STRIP1: variants seen among roughly 807,000 people sequenced by gnomAD.
STRIP1 encodes striatin interacting protein 1, also known as striatin-interacting protein 1.
Under a neutral mutation model 106.2 loss-of-function variants are expected in STRIP1, and 63 were observed. The observed-to-expected ratio is 0.59, with a 90% confidence interval of 0.48 to 0.73. The LOEUF (loss-of-function observed/expected upper bound fraction) is 0.73. Among genes scored for constraint, STRIP1 ranks in the 30% least tolerant of loss-of-function variants. The pLI is 0.00. For synonymous variants in STRIP1, 390 were observed against 413.0 expected, an observed-to-expected ratio of 0.94 and a Z score of 0.67; for missense variants, 857 against 1,074.8, an observed-to-expected ratio of 0.80 and a Z score of 2.83.
chr1:110,050,557 C>A, intron 18 of STRIP1, 148 bp downstream of exon 18: 1 of 743,680 alleles, frequency 1.3e-6, no homozygotes, highest in Non-Finnish European at 2.3e-6. Flanking sequence ...TGTAAGTGTA[C>A]AGAAGGGCCA....
intron 12 of STRIP1, among the ~76,000 whole-genome samples, chr1:110,046,419 G>A (rs983301273): frequency 1.3e-5 from 2 of 152,168 alleles, no homozygotes; most frequent in Non-Finnish European, 2.9e-5. Flanking sequence ...AAAATTGCTT[G>A]AACCTGGGAG....
At chr1:110,041,192 G>C (rs1652739825) in intron 6 of STRIP1, 1 of 191,028 alleles carries the variant, frequency 5.2e-6, no homozygotes, top group Non-Finnish European at 1.1e-5. Flanking sequence ...TATGAATTTG[G>C]AAGTTTTTAG....
At position 110,038,665 on chromosome 1, in the gene STRIP1, G is replaced by A. The variant is rs781108025; in HGVS notation, c.251-18G>A. 60 of 1,612,016 alleles carry A rather than the reference G, an allele frequency of 3.7e-5. No homozygotes were observed. Among genetic ancestry groups the A allele is most frequent in the Non-Finnish European group, 4.6e-5 (54 of 1,178,358 alleles). ...ATGCAGACATGGAACCAATGGTGAC[G>A]AGACTTTGTTCTGACAGAGCTTTAC... On this transcript the variant is annotated intron_variant, in intron 2 of 20. Coordinates refer to ENST00000369795, the MANE Select transcript of STRIP1 (RefSeq NM_033088.4).
chr1:110,048,243 G>T (rs1653123891), intron 15 of STRIP1: 1 of 258,816 alleles, frequency 3.9e-6, no homozygotes, highest in Non-Finnish European at 7.6e-6. Context: ...AGCAACAGCT[G>T]AACCTGTGCC....
At chr1:110,040,559 A>G (rs989689521) in intron 5 of STRIP1, 76 bp from the exon 6 acceptor site, 29 of 1,398,668 alleles carry the variant, frequency 2.1e-5, no homozygotes, top group South Asian at 4.0e-5. Context: ...TTGTTTCCCC[A>G]TTGGTCAGTA....
intron 2 of STRIP1, 30 bp downstream of exon 2, chr1:110,037,990 G>C (rs1013261352): frequency 1.3e-6 from 2 of 1,530,462 alleles, no homozygotes; most frequent in Non-Finnish European, 1.8e-6. Flanking sequence ...GTTATTTGGG[G>C]GTGGTTTTTT....
chr1:110,050,463 G>T, intron 18 of STRIP1, 54 bp downstream of exon 18: 1 of 1,527,618 alleles, frequency 6.5e-7, no homozygotes. Flanking sequence ...TCAGTGGGTA[G>T]AGAGCCTGCC....
chr1:110,049,764 G>C, intron 17 of STRIP1: 2 of 543,798 alleles, frequency 3.7e-6, no homozygotes, highest in Admixed American at 3.5e-5. Flanking sequence ...TGCCCCAGGT[G>C]ACTTGGTCTG....
intron 1 of STRIP1, among the ~76,000 whole-genome samples, chr1:110,035,039 G>T (rs1020610242): frequency 1.3e-5 from 2 of 152,212 alleles, no homozygotes; most frequent in East Asian, 3.9e-4. Flanking sequence ...AGAGCTTCCC[G>T]TGGCCGGCGA....
At position 110,034,641 on chromosome 1, in the gene STRIP1, G is replaced by A; in HGVS notation, c.4G>A (p.Glu2Lys). ...CTGGGGGTGTGGAGCAGCCAAGATG[G>A]AGCCGGCAGTCGGCGGTCCGGGCCC... M[E>K]PAVGGPGPLI... The change falls in exon 1 of 21, where the codon GAG becomes AAG. Residue 2 changes from glutamate (E) to lysine (K), a missense_variant. Around this residue, in one of 2 missense-constraint regions of STRIP1, gnomAD observed 107 missense variants for 85.1 expected, o/e 1.26. Coordinates refer to ENST00000369795, the MANE Select transcript of STRIP1 (RefSeq NM_033088.4). The A allele has an allele frequency of 1.3e-6, 2 of 1,521,448 alleles. No homozygotes were observed. The highest frequency in any genetic ancestry group is 1.8e-6 in the Non-Finnish European group (2 of 1,135,506). 94.2% of individuals were successfully genotyped at this position (1,521,448 alleles called of 1,614,324 possible).
At chr1:110,033,675 C>T (rs1375947309), upstream of STRIP1, among the ~76,000 whole-genome samples, 4 of 152,134 alleles carry the variant, frequency 2.6e-5, no homozygotes, top group Non-Finnish European at 5.9e-5. Flanking sequence ...TTTATCTAAT[C>T]CTAATCACCC....
upstream of STRIP1, chr1:110,034,528 T>C (rs764060858): frequency 9.7e-6 from 13 of 1,337,824 alleles, no homozygotes; most frequent in Non-Finnish European, 1.3e-5. Context: ...CTTCTAACAC[T>C]GGCCGCCACA....
At chr1:110,039,598 A>C (rs1161356346) in intron 5 of STRIP1, 83 bp downstream of exon 5, 1 of 1,484,142 alleles carries the variant, frequency 6.7e-7, no homozygotes. Flanking sequence ...ACTGGCTTTG[A>C]GAGGGTTAAA....
At chr1:110,034,103 A>G (rs529117330), upstream of STRIP1, among the ~76,000 whole-genome samples, 8 of 152,242 alleles carry the variant, frequency 5.3e-5, no homozygotes, top group Middle Eastern at 3.4e-3. Flanking sequence ...TTCAGCATTT[A>G]TTTCTCTATA....
intron 12 of STRIP1, among the ~76,000 whole-genome samples, chr1:110,045,809 AAAGAG>A (rs10550524): frequency 0.018 from 2,810 of 152,220 alleles, 70 homozygotes; most frequent in African/African-American, 0.051. Context: ...TCTAAAGAGA[AAAGAG>A]AAGGGTGAGG....
chr1:110,049,381 C>A (rs1398198183), intron 16 of STRIP1, 79 bp from the exon 17 acceptor site: 8 of 1,533,594 alleles, frequency 5.2e-6, no homozygotes, highest in Non-Finnish European at 7.1e-6. Flanking sequence ...TCAGCCAAGG[C>A]CTTTCATCCC....
intron 12 of STRIP1, among the ~76,000 whole-genome samples, chr1:110,046,140 A>C (rs186324279): frequency 5.9e-5 from 9 of 151,950 alleles, no homozygotes; most frequent in Admixed American, 2.6e-4. Context: ...CCCTCCTTTA[A>C]TTTACTTTTT....
chr1:110,042,175 G>A (rs1652797634), intron 8 of STRIP1, among the ~76,000 whole-genome samples: 1 of 152,180 alleles, frequency 6.6e-6, no homozygotes. Flanking sequence ...AGTTTGTAAA[G>A]GGATTTGAGG....
intron 19 of STRIP1, 142 bp from the exon 20 acceptor site, chr1:110,051,541 A>G (rs2101786474): frequency 5.0e-6 from 4 of 796,738 alleles, no homozygotes; most frequent in South Asian, 3.5e-5. Flanking sequence ...CCTATGTATC[A>G]GGAAACTCTT....
Sources: gnomAD v4.1 joint callset for allele counts (sites outside exome capture counted in the v4.1 genomes callset) on GRCh38, gnomAD v4.1.1 for gene constraint, gnomAD v4.1.1 regional missense constraint, MANE v1.5 for transcripts, NCBI Gene and HGNC (gene_info 2026-07-23, HGNC 2026-07-21) for gene names.